Variants in SCP2 observed in about 807,000 individuals in gnomAD.
SCP2 encodes the protein sterol carrier protein 2, also known as SCP-2/3-oxoacyl-CoA thiolase.
SCP2 carries 48 observed loss-of-function variants against 71.4 expected under a neutral mutation model. The observed-to-expected ratio is 0.67, with a 90% confidence interval of 0.53 to 0.86. The LOEUF (loss-of-function observed/expected upper bound fraction) is 0.86. Among genes scored for constraint, SCP2 ranks in the 40% least tolerant of loss-of-function variants. The pLI is 0.00. For synonymous variants in SCP2, 220 were observed against 218.1 expected, an observed-to-expected ratio of 1.01 and a Z score of -0.08; for missense variants, 560 against 655.6, an observed-to-expected ratio of 0.85 and a Z score of 1.59.
chr1:53,043,618 T>C (rs1054626709), intron 14 of SCP2, among the ~76,000 whole-genome samples: 4 of 152,246 alleles, frequency 2.6e-5, no homozygotes, highest in African/African-American at 9.6e-5. Context: ...CTGACCCTTA[T>C]AGGATTGTTA....
At chr1:52,966,591 C>G (rs1330867240) in intron 6 of SCP2, among the ~76,000 whole-genome samples, 1 of 151,512 alleles carries the variant, frequency 6.6e-6, no homozygotes, top group Non-Finnish European at 1.5e-5. Context: ...TAATTTTATA[C>G]TAAAGAAATA....
intron 2 of SCP2, chr1:52,943,768 A>T (rs768290640): frequency 2.3e-4 from 102 of 439,686 alleles, no homozygotes; most frequent in South Asian, 1.1e-3. Context: ...TGGACTTCTG[A>T]TAACGTCTGA....
chr1:53,013,596 A>G (rs1287896469), intron 11 of SCP2, among the ~76,000 whole-genome samples: 1 of 152,046 alleles, frequency 6.6e-6, no homozygotes, highest in African/African-American at 2.4e-5. Flanking sequence ...CTCTGTCTCA[A>G]ACATAATAAA....
At position 52,958,135 on chromosome 1, in the gene SCP2, AT is replaced by A. The variant is rs924517539; in HGVS notation, c.396+3340del. Among the ~76,000 whole-genome samples the A allele has an allele frequency of 4.7e-5, 7 of 149,842 alleles. No individual in the cohort carries two copies. In the South Asian group the frequency reaches 8.4e-4, roughly 18 times the overall value. On this transcript the variant is annotated intron_variant, in intron 5 of 15. Coordinates refer to ENST00000371514, the MANE Select transcript of SCP2 (RefSeq NM_002979.5). ...TTATCTATTTGTCTAATTTGTCTGA[AT>A]TTTTTTTTGTCAATACCACACTGTC...
intron 11 of SCP2, chr1:52,994,791 T>A: frequency 1.8e-6 from 1 of 557,212 alleles, no homozygotes; most frequent in Non-Finnish European, 3.3e-6. Context: ...AGTGCTGGGA[T>A]GTGATCAGTG....
chr1:53,038,136 A>T (rs1663150703), intron 13 of SCP2, among the ~76,000 whole-genome samples: 1 of 151,600 alleles, frequency 6.6e-6, no homozygotes, highest in African/African-American at 2.4e-5. Flanking sequence ...ACAGAGTGAG[A>T]CCTTGTCTCA....
intron 14 of SCP2, among the ~76,000 whole-genome samples, chr1:53,044,265 C>G (rs1663639167): frequency 6.6e-6 from 1 of 152,122 alleles, no homozygotes; most frequent in African/African-American, 2.4e-5. Flanking sequence ...ACCATGTTGG[C>G]CAGGCTAGTC....
At chr1:53,022,902 G>GT (rs1358520810) in intron 12 of SCP2, among the ~76,000 whole-genome samples, 1 of 151,998 alleles carries the variant, frequency 6.6e-6, no homozygotes, top group African/African-American at 2.4e-5. Context: ...TTATTTGCTG[G>GT]TTTTTATCTT....
At chr1:53,035,864 C>CA (rs1662889689) in intron 13 of SCP2, among the ~76,000 whole-genome samples, 1 of 151,544 alleles carries the variant, frequency 6.6e-6, no homozygotes, top group Admixed American at 6.6e-5. Flanking sequence ...TACAAAAATG[C>CA]AAAAAATTAG....
At chr1:52,940,772 A>G (rs1654158382) in intron 1 of SCP2, among the ~76,000 whole-genome samples, 1 of 152,096 alleles carries the variant, frequency 6.6e-6, no homozygotes, top group Non-Finnish European at 1.5e-5. Context: ...ATTTTTGGAG[A>G]CAGAGTCTCA....
At chr1:53,007,392 G>T (rs1660705357) in intron 11 of SCP2, among the ~76,000 whole-genome samples, 2 of 152,136 alleles carry the variant, frequency 1.3e-5, no homozygotes, top group Admixed American at 6.5e-5. Flanking sequence ...GCACTCCTCA[G>T]CAAATGTAAA....
intron 15 of SCP2, chr1:53,048,678 C>T (rs6664654): frequency 0.18 from 27,322 of 153,352 alleles, 5,302 homozygotes; most frequent in African/African-American, 0.49. Flanking sequence ...TTTAGGTATT[C>T]TGTAAACAAC....
chr1:52,974,780 G>A lies in SCP2; in HGVS notation c.535G>A (p.Glu179Lys). The change falls in exon 7 of 16, where the codon GAA (glutamate) becomes AAA (lysine). Residue 179 changes from glutamate (E) to lysine (K), a missense_variant. Transcript: ENST00000371514. ...EHMEKYGTKI[E>K]HFAKIGWKNH... ...TGCTTTCTTTACAGGAACAAAAATT[G>A]AACACTTTGCAAAAATTGGATGGAA... The A allele has an allele frequency of 6.5e-7, 1 of 1,539,910 alleles. No individual in the cohort carries two copies. Among genetic ancestry groups the A allele is most frequent in the Non-Finnish European group, 9.0e-7 (1 of 1,112,692 alleles).
intron 12 of SCP2, among the ~76,000 whole-genome samples, chr1:53,018,130 C>T (rs1661471507): frequency 6.6e-6 from 1 of 152,198 alleles, no homozygotes; most frequent in Non-Finnish European, 1.5e-5. Context: ...GCTGAGATTA[C>T]AGGCATGGAC....
intron 11 of SCP2, among the ~76,000 whole-genome samples, chr1:52,997,141 G>A (rs1043814988): frequency 6.6e-6 from 1 of 152,138 alleles, no homozygotes; most frequent in Admixed American, 6.5e-5. Context: ...ATCATCAACT[G>A]ATGAGCAAAA....
chr1:52,990,268 C>CA (rs397744209), intron 11 of SCP2, among the ~76,000 whole-genome samples: 28,356 of 144,322 alleles, frequency 0.2, 4,100 homozygotes, highest in African/African-American at 0.42. Context: ...CAGTTTTCAA[C>CA]AAAAAAAAAG....
At chr1:52,927,980 C>T (rs912508063) in intron 1 of SCP2, among the ~76,000 whole-genome samples, 1 of 152,250 alleles carries the variant, frequency 6.6e-6, no homozygotes, top group African/African-American at 2.4e-5. Context: ...GCCGTTTTCC[C>T]CTCATCGCCC....
intron 11 of SCP2, among the ~76,000 whole-genome samples, chr1:52,991,773 T>G (rs1427460101): frequency 6.9e-6 from 1 of 145,302 alleles, no homozygotes; most frequent in Non-Finnish European, 1.5e-5. Flanking sequence ...TTTAATTTGG[T>G]TTTTTTTTTT....
intron 2 of SCP2, among the ~76,000 whole-genome samples, chr1:52,942,647 TA>T (rs1654365740): frequency 6.6e-6 from 1 of 151,896 alleles, no homozygotes; most frequent in African/African-American, 2.4e-5. Flanking sequence ...GAAATTTAAT[TA>T]TTTTTAAAAA....
Sources: allele counts gnomAD v4.1 joint callset (sites outside exome capture counted in the v4.1 genomes callset), GRCh38; gene constraint gnomAD v4.1.1; transcripts MANE v1.5; gene names NCBI Gene and HGNC (gene_info 2026-07-23, HGNC 2026-07-21).